The following PTPRD variants were observed in gnomAD, a reference collection of about 807,000 sequenced individuals.
PTPRD encodes protein tyrosine phosphatase receptor type D.
PTPRD carries 34 observed loss-of-function variants against 214.5 expected under a neutral mutation model. That is an observed-to-expected ratio of 0.16 (90% CI 0.12 to 0.21). PTPRD has a LOEUF of 0.21. Among genes scored for constraint, PTPRD ranks in the 10% least tolerant of loss-of-function variants. PTPRD has a pLI of 1.00. For synonymous variants in PTPRD, 1,128 were observed against 845.7 expected (o/e 1.33, Z -5.79); for missense variants, 2,545 against 2,398.7 (o/e 1.06, Z -1.27).
At chr9:9,013,894 G>A (rs1934070162) in intron 11 of PTPRD, among the ~76,000 whole-genome samples, 1 of 152,124 alleles carries the variant, frequency 6.6e-6, no homozygotes, top group Admixed American at 6.6e-5. Flanking sequence ...CGTGCAAGGT[G>A]AGGTTCCCAG....
At chr9:10,024,193 T>C (rs1304418260) in intron 4 of PTPRD, among the ~76,000 whole-genome samples, 1 of 152,192 alleles carries the variant, frequency 6.6e-6, no homozygotes, top group Admixed American at 6.5e-5. Flanking sequence ...ATTTTTATCC[T>C]TGTTGGTTAC....
chr9:9,406,809 G>C (rs1049138826), intron 8 of PTPRD, among the ~76,000 whole-genome samples: 2 of 150,204 alleles, frequency 1.3e-5, no homozygotes, highest in African/African-American at 4.9e-5. Flanking sequence ...GGAACAGTAG[G>C]CTTGAAAAAA....
rs186038093 is a variant in PTPRD at position 9,854,707 on chromosome 9, T to A, written c.-368+83800A>T. Among the ~76,000 whole-genome samples, 172 of 152,260 alleles carry A rather than the reference T, an allele frequency of 1.1e-3. 1 individual carries two copies. The highest frequency in any genetic ancestry group is 3.6e-3 in the African/African-American group (150 of 41,562). ...ATTTGAATTATAATCCAGTTTTTTTTAAATCCCTTTCAACTTCATCTTTTC... is the reference window on the plus strand; with the variant it reads ...ATTTGAATTATAATCCAGTTTTTTTAAAATCCCTTTCAACTTCATCTTTTC... On this transcript the variant is annotated intron_variant, in intron 5 of 45. Coordinates refer to ENST00000381196, the MANE Select transcript of PTPRD (RefSeq NM_002839.4).
chr9:9,690,096 A>G (rs929388885), intron 7 of PTPRD, among the ~76,000 whole-genome samples: 3 of 151,882 alleles, frequency 2.0e-5, no homozygotes, highest in Admixed American at 1.3e-4. Flanking sequence ...GTACTAATTT[A>G]TACTCCTTCC....
At chr9:8,413,775 A>C in intron 35 of PTPRD, among the ~76,000 whole-genome samples, 1 of 152,208 alleles carries the variant, frequency 6.6e-6, no homozygotes, top group Non-Finnish European at 1.5e-5. Flanking sequence ...TAGAAAGGCT[A>C]GAACAAATTA....
At position 8,848,318 on chromosome 9, in the gene PTPRD, T is replaced by C. The variant is rs1432323012; in HGVS notation, c.-103-114372A>G. ...ATTAATGCTTAAGATTTTTCCTTTT[T>C]TTTTTTTTTTTTTTTTTTTTAGTTT... On this transcript the variant is annotated intron_variant, in intron 11 of 45. Coordinates refer to ENST00000381196, the MANE Select transcript of PTPRD (RefSeq NM_002839.4). Among the ~76,000 whole-genome samples the C allele has an allele frequency of 8.4e-3, 326 of 38,798 alleles. 4 individuals are homozygous for C. The highest frequency in any genetic ancestry group is 0.076 in the Middle Eastern group (5 of 66). 25.5% of individuals were successfully genotyped at this position (38,798 alleles called of 152,430 possible). A position where few individuals can be genotyped will look rare whatever the true frequency, so the allele number is the denominator to read the frequency against.
intron 9 of PTPRD, among the ~76,000 whole-genome samples, chr9:9,257,538 T>C (rs1485866969): frequency 1.3e-5 from 2 of 152,004 alleles, no homozygotes; most frequent in South Asian, 2.1e-4. Flanking sequence ...ATGTCTATGA[T>C]TCCAGCACTT....
chr9:8,848,358 C>T (rs2097747113), intron 11 of PTPRD, among the ~76,000 whole-genome samples: 2 of 132,636 alleles, frequency 1.5e-5, no homozygotes, highest in South Asian at 2.4e-4. Context: ...CTTTTTGAGA[C>T]AGAGTCTTGC....
At chr9:10,019,430 T>C (rs1361776072) in intron 4 of PTPRD, among the ~76,000 whole-genome samples, 6 of 152,172 alleles carry the variant, frequency 3.9e-5, no homozygotes, top group Admixed American at 6.5e-5. Flanking sequence ...TTACTGGGTA[T>C]ATACCCAAAG....
chr9:9,088,877 C>T (rs978051821), intron 10 of PTPRD, among the ~76,000 whole-genome samples: 1 of 152,012 alleles, frequency 6.6e-6, no homozygotes. Context: ...GTCTCTGTTT[C>T]CTCAATGTGT....
chr9:8,551,092 T>G (rs1186583105), intron 14 of PTPRD, among the ~76,000 whole-genome samples: 5 of 152,232 alleles, frequency 3.3e-5, no homozygotes, highest in Non-Finnish European at 5.9e-5. Context: ...GGGGTGGTTT[T>G]TGCTCAATAG....
chr9:9,407,707 A>G (rs2073994387), intron 8 of PTPRD, among the ~76,000 whole-genome samples: 1 of 151,764 alleles, frequency 6.6e-6, no homozygotes, highest in Non-Finnish European at 1.5e-5. Flanking sequence ...CCTCTGTAAA[A>G]TTTGGAATCA....
At chr9:10,549,874 C>T (rs982525222) in intron 2 of PTPRD, among the ~76,000 whole-genome samples, 10 of 151,992 alleles carry the variant, frequency 6.6e-5, no homozygotes, top group African/African-American at 2.4e-4. Context: ...AGAACAATTC[C>T]CTCCTCCCAA....
At chr9:9,326,627 A>G (rs2040029749) in intron 9 of PTPRD, among the ~76,000 whole-genome samples, 1 of 151,972 alleles carries the variant, frequency 6.6e-6, no homozygotes, top group South Asian at 2.1e-4. Context: ...AAAAATGACA[A>G]GCATGAGAGC....
At chr9:10,079,960 T>C (rs891099327) in intron 3 of PTPRD, among the ~76,000 whole-genome samples, 2 of 151,236 alleles carry the variant, frequency 1.3e-5, no homozygotes, top group Non-Finnish European at 2.9e-5. Context: ...CAGCTTGGTA[T>C]GTACAACCCC....
intron 11 of PTPRD, among the ~76,000 whole-genome samples, chr9:8,807,853 G>T (rs2096718959): frequency 6.6e-6 from 1 of 152,052 alleles, no homozygotes; most frequent in Non-Finnish European, 1.5e-5. Flanking sequence ...CAATGAAGGT[G>T]GGCAACAGTG....
intron 11 of PTPRD, among the ~76,000 whole-genome samples, chr9:8,968,754 T>C (rs534591734): frequency 6.6e-6 from 1 of 151,418 alleles, no homozygotes; most frequent in East Asian, 1.9e-4. Flanking sequence ...ATACTGTCAA[T>C]GCAAAATTAT....
intron 9 of PTPRD, among the ~76,000 whole-genome samples, chr9:9,205,622 T>A (rs1275660161): frequency 6.6e-6 from 1 of 152,216 alleles, no homozygotes; most frequent in Non-Finnish European, 1.5e-5. Context: ...GCACTAAGCA[T>A]ACATTTTATA....
intron 7 of PTPRD, among the ~76,000 whole-genome samples, chr9:9,598,185 G>T (rs1285085821): frequency 6.6e-6 from 1 of 151,978 alleles, no homozygotes; most frequent in Non-Finnish European, 1.5e-5. Context: ...ACAAGAATAA[G>T]AGTAAAGGGG....
Sources: allele counts gnomAD v4.1 joint callset (sites outside exome capture counted in the v4.1 genomes callset), GRCh38; gene constraint gnomAD v4.1.1; transcripts MANE v1.5; gene names NCBI Gene and HGNC (gene_info 2026-07-23, HGNC 2026-07-21).